The following CCSER1 variants were observed in gnomAD, a reference collection of about 807,000 sequenced individuals.
The protein encoded by CCSER1 is coiled-coil serine rich protein 1.
CCSER1 carries 41 observed loss-of-function variants against 82.0 expected under a neutral mutation model. The ratio of observed to expected loss-of-function variants is 0.50; its 90% confidence interval spans 0.39 to 0.65. The LOEUF (loss-of-function observed/expected upper bound fraction) is 0.65. Among genes scored for constraint, CCSER1 ranks in the 30% least tolerant of loss-of-function variants. CCSER1 has a pLI of 0.00. For synonymous variants in CCSER1, 414 were observed against 383.9 expected, an observed-to-expected ratio of 1.08 and a Z score of -0.92; for missense variants, 1,119 against 1,064.2, an observed-to-expected ratio of 1.05 and a Z score of -0.72.
At chr4:91,140,293 T>G (rs1057186471) in intron 10 of CCSER1, among the ~76,000 whole-genome samples, 1 of 151,848 alleles carries the variant, frequency 6.6e-6, no homozygotes, top group African/African-American at 2.4e-5. Context: ...TGTGTGATTA[T>G]TATAGCTGCA....
intron 9 of CCSER1, among the ~76,000 whole-genome samples, chr4:90,943,823 G>C (rs1731901233): frequency 7.0e-6 from 1 of 141,974 alleles, no homozygotes; most frequent in Admixed American, 7.6e-5. Context: ...ACATCTGCCT[G>C]CCTCAGTCTC....
At chr4:90,772,344 A>G (rs1467786854) in intron 7 of CCSER1, among the ~76,000 whole-genome samples, 1 of 152,154 alleles carries the variant, frequency 6.6e-6, no homozygotes, top group Non-Finnish European at 1.5e-5. Context: ...ACTATATATT[A>G]TAAAAATTGA....
intron 1 of CCSER1, among the ~76,000 whole-genome samples, chr4:90,194,641 A>C (rs1354227539): frequency 6.6e-6 from 1 of 151,996 alleles, no homozygotes. Context: ...ATCTGATCTC[A>C]TTTTTGTGGT....
At chr4:91,413,563 C>A (rs1425374465) in intron 10 of CCSER1, among the ~76,000 whole-genome samples, 2 of 151,146 alleles carry the variant, frequency 1.3e-5, no homozygotes, top group Non-Finnish European at 3.0e-5. Context: ...CTATGGGACA[C>A]CATGAAGTGT....
chr4:90,981,565 G>T (rs1486168796), intron 9 of CCSER1, among the ~76,000 whole-genome samples: 1 of 151,798 alleles, frequency 6.6e-6, no homozygotes, highest in Non-Finnish European at 1.5e-5. Flanking sequence ...CAAGGGAAAG[G>T]ATCTGTTTGA....
At chr4:90,555,128 T>TG (rs1777970037) in intron 5 of CCSER1, among the ~76,000 whole-genome samples, 1 of 152,134 alleles carries the variant, frequency 6.6e-6, no homozygotes, top group African/African-American at 2.4e-5. Context: ...TTTTTTCATT[T>TG]GGGGTCTTCA....
In CCSER1 at chr4:90,372,248, C is replaced by A. The variant is rs572539710; in HGVS notation, c.1510-27788C>A. Among the ~76,000 whole-genome samples the A allele has an allele frequency of 3.9e-5, 6 of 152,020 alleles. 1 individual carries two copies. The South Asian group carries it at 1.2e-3, about 32-fold the overall frequency. ...TGGCCACATAACTCTGTGGTCTAAT[C>A]TAAATAATTTGTTCAATAAAAGTTT... On this transcript the variant is annotated intron_variant, in intron 3 of 10. Coordinates refer to ENST00000509176, the MANE Select transcript of CCSER1 (RefSeq NM_001145065.2).
At chr4:90,199,824 C>T (rs1737314529) in intron 1 of CCSER1, among the ~76,000 whole-genome samples, 2 of 151,870 alleles carry the variant, frequency 1.3e-5, no homozygotes, top group African/African-American at 4.8e-5. Context: ...TCGATGTGCC[C>T]ATCTCCTTAC....
rs562279822 is a variant in CCSER1, at chr4:90,810,020, G to T, written c.2011-5742G>T. 2.4e-4 allele frequency among the ~76,000 whole-genome samples: 36 copies of T among 152,270 alleles called. No individual in the cohort carries two copies. The East Asian group carries it at 6.4e-3, about 27-fold the overall frequency. On this transcript the variant is annotated intron_variant, in intron 7 of 10. Coordinates refer to ENST00000509176, the MANE Select transcript of CCSER1 (RefSeq NM_001145065.2). ...CCTTTAGATGTTTTTGGTTGTTGTT[G>T]TTCCTTGTCAGCTCAGATAAGGGTG...
intron 1 of CCSER1, among the ~76,000 whole-genome samples, chr4:90,227,370 G>A (rs1345131432): frequency 6.6e-6 from 1 of 152,122 alleles, no homozygotes; most frequent in East Asian, 1.9e-4. Context: ...GGAAATCTGT[G>A]TTTTTTGCCG....
intron 10 of CCSER1, among the ~76,000 whole-genome samples, chr4:91,423,595 A>G (rs1753802179): frequency 6.6e-6 from 1 of 152,160 alleles, no homozygotes; most frequent in African/African-American, 2.4e-5. Flanking sequence ...AGCTTATGAA[A>G]CCAAGAAACT....
chr4:90,404,369 G>A (rs1339606785), intron 4 of CCSER1, among the ~76,000 whole-genome samples: 2 of 152,108 alleles, frequency 1.3e-5, no homozygotes, highest in Non-Finnish European at 2.9e-5. Context: ...CCACCTGGTG[G>A]TCTTTCTCTA....
At chr4:91,179,079 T>C (rs1392296368) in intron 10 of CCSER1, among the ~76,000 whole-genome samples, 1 of 152,210 alleles carries the variant, frequency 6.6e-6, no homozygotes, top group Admixed American at 6.5e-5. Context: ...TGGCTGGACA[T>C]GAAATTCTGG....
At chr4:90,732,250 T>G (rs2149407396) in intron 7 of CCSER1, among the ~76,000 whole-genome samples, 1 of 152,268 alleles carries the variant, frequency 6.6e-6, no homozygotes, top group East Asian at 1.9e-4. Flanking sequence ...AGACCAGAAA[T>G]ACACAGCTTC....
At position 90,595,549 on chromosome 4, in the gene CCSER1, A is replaced by G. The variant is rs1783227037; in HGVS notation, c.1725-32476A>G. On this transcript the variant is annotated intron_variant, in intron 5 of 10. Transcript: ENST00000509176. ...TTGGGCTCTGAGACACGATTGAAAT[A>G]ATTAATTTCAACAAAGAATATAGAA... is the stretch of plus-strand genomic sequence containing the variant. Among the ~76,000 whole-genome samples, 3 of 151,982 alleles carry G rather than the reference A, an allele frequency of 2.0e-5. No homozygotes were observed. The South Asian group carries it at 6.2e-4, about 31-fold the overall frequency.
chr4:90,227,786 A>G (rs985348887), intron 1 of CCSER1, among the ~76,000 whole-genome samples: 3 of 152,238 alleles, frequency 2.0e-5, no homozygotes, highest in Non-Finnish European at 4.4e-5. Flanking sequence ...GAGCCGAAGC[A>G]GGGCGAGGCA....
Position 90,723,945 on chromosome 4 carries a change from C to T in CCSER1, c.1964C>T (p.Thr655Met), listed in dbSNP as rs747739818. The stretch of plus-strand genomic sequence containing the variant: ...GACATGAGTCCAGCAAGCAGTACCA[C>T]GTCACTTCCTGTTAGTCCTCTTACT... ...SADMSPASST[T>M]SLPVSPLTEE... is the part of the protein sequence containing the mutation. The change falls in exon 7 of 11, where the codon ACG (threonine) becomes ATG (methionine). Residue 655 changes from threonine (T) to methionine (M), a missense_variant. Physicochemically the swap from Thr to Met is moderately conservative, Grantham distance 81. Transcript: ENST00000509176. The T allele has an allele frequency of 1.0e-5, 16 of 1,584,050 alleles. No individual in the cohort carries two copies. Among genetic ancestry groups the T allele is most frequent in the Middle Eastern group, 1.7e-4 (1 of 6,012 alleles).
chr4:90,401,924 A>T (rs1239003288), intron 4 of CCSER1, among the ~76,000 whole-genome samples: 1 of 152,258 alleles, frequency 6.6e-6, no homozygotes, highest in Non-Finnish European at 1.5e-5. Flanking sequence ...ATTCTCTAAC[A>T]TCACAAAAAG....
At chr4:91,339,259 A>G (rs1211424791) in intron 10 of CCSER1, among the ~76,000 whole-genome samples, 2 of 152,184 alleles carry the variant, frequency 1.3e-5, no homozygotes, top group Non-Finnish European at 1.5e-5. Context: ...AATTCTTAGC[A>G]CTTGCCATAC....
Sources: gnomAD v4.1 joint callset for allele counts (sites outside exome capture counted in the v4.1 genomes callset) on GRCh38, gnomAD v4.1.1 for gene constraint, MANE v1.5 for transcripts, NCBI Gene and HGNC (gene_info 2026-07-23, HGNC 2026-07-21) for gene names.